The following FAAP20 variants were observed in gnomAD, a reference collection of about 807,000 sequenced individuals.
FAAP20 encodes Fanconi anemia core complex-associated protein 20.
In FAAP20, 12 loss-of-function variants were observed where a neutral mutation model predicts 16.2. The ratio of observed to expected loss-of-function variants is 0.74; its 90% CI spans 0.48 to 1.20. The LOEUF (loss-of-function observed/expected upper bound fraction) is 1.20. FAAP20 is among the 50% of genes most tolerant of loss of function. FAAP20 has a pLI of 0.00. For synonymous variants in FAAP20, 141 were observed against 110.7 expected (o/e 1.27, Z -1.72); for missense variants, 288 against 245.8 (o/e 1.17, Z -1.15).
At chr1:2,188,840 C>A (rs1238434717), downstream of FAAP20, among the ~76,000 whole-genome samples, 1 of 151,706 alleles carries the variant, frequency 6.6e-6, no homozygotes, top group East Asian at 1.9e-4. Context: ...CCCGTTTCTA[C>A]TGAAAACACA....
At position 2,189,680 on chromosome 1, in the gene FAAP20, G is replaced by A. The variant is rs748765368; in HGVS notation, c.*29C>T. On this transcript the variant is annotated 3_prime_UTR_variant, in exon 4 of 4. Coordinates refer to ENST00000378546, the MANE Select transcript of FAAP20 (RefSeq NM_182533.4). ...GCGGGGGAGAGCGTGTCCGGGCGCC[G>A]CACTCTGCGCAGGGCTCTTGGATGG... 1 of 1,596,048 alleles carries A rather than the reference G, an allele frequency of 6.3e-7. No individual in the cohort carries two copies. Among genetic ancestry groups the A allele is most frequent in the Non-Finnish European group, 8.6e-7 (1 of 1,167,052 alleles).
downstream of FAAP20, among the ~76,000 whole-genome samples, chr1:2,188,133 C>T (rs749994960): frequency 3.4e-4 from 52 of 152,352 alleles, no homozygotes; most frequent in South Asian, 8.3e-4. Flanking sequence ...GATCTGTTCC[C>T]TCAGCCACCA....
At chr1:2,211,589 A>G (rs1689448820), downstream of FAAP20, among the ~76,000 whole-genome samples, 1 of 149,614 alleles carries the variant, frequency 6.7e-6, no homozygotes, top group Admixed American at 6.7e-5. Flanking sequence ...TTGGGACTAC[A>G]GGCACCCGCC....
Position 2,193,747 on chromosome 1 carries a change from C to T in FAAP20, c.362G>A (p.Arg121His). ...LESPARSLPQ[R>H]PAPDPCRAPR... ...GGCCCTGCAGGGATCAGGTGCCGGG[C>T]GCTGGGGCAGGGACCTGGCGGGGGA... is the stretch of plus-strand genomic sequence containing the variant. The change falls in exon 3 of 4, where the codon CGC becomes CAC. Residue 121 changes from arginine to histidine, a missense_variant. Transcript: ENST00000378546. 1.3e-6 allele frequency: 2 copies of T among 1,591,456 alleles called. No homozygotes were observed. Among genetic ancestry groups the T allele is most frequent in the Non-Finnish European group, 8.5e-7 (1 of 1,172,760 alleles).
downstream of FAAP20, among the ~76,000 whole-genome samples, chr1:2,208,025 T>C (rs936369289): frequency 3.3e-5 from 5 of 152,004 alleles, no homozygotes; most frequent in Non-Finnish European, 5.9e-5. Flanking sequence ...TGTGTGGACA[T>C]GCGTGCGGTG....
At chr1:2,185,924 C>G (rs906457007), downstream of FAAP20, 15 of 338,442 alleles carry the variant, frequency 4.4e-5, no homozygotes, top group African/African-American at 3.0e-4. Flanking sequence ...ACCCTACAAA[C>G]ACCCAGAAAC....
intron 3 of FAAP20, chr1:2,206,243 A>C (rs1456477688): frequency 6.6e-6 from 1 of 152,312 alleles, no homozygotes; most frequent in African/African-American, 2.4e-5. Flanking sequence ...CCCTGTCTCT[A>C]ACGGGCCATA....
At chr1:2,192,187 C>T (rs1160847208) in intron 3 of FAAP20, 1 of 985,684 alleles carries the variant, frequency 1.0e-6, no homozygotes, top group Non-Finnish European at 1.2e-6. Context: ...CCCAGGGCAT[C>T]CCAGGGTGGC....
upstream of FAAP20, among the ~76,000 whole-genome samples, chr1:2,197,178 C>T (rs1688860610): frequency 2.0e-5 from 3 of 152,226 alleles, no homozygotes; most frequent in South Asian, 6.2e-4. Flanking sequence ...ATGTGAGGGA[C>T]ACCTGTGTGT....
chr1:2,189,025 A>AAC (rs1553182626), downstream of FAAP20, among the ~76,000 whole-genome samples: 2 of 142,592 alleles, frequency 1.4e-5, no homozygotes, highest in African/African-American at 2.7e-5. Flanking sequence ...AAAAAAAAAA[A>AAC]AAACAAAAAG....
upstream of FAAP20, chr1:2,199,228 G>A: frequency 8.6e-7 from 1 of 1,162,102 alleles, no homozygotes; most frequent in Non-Finnish European, 1.1e-6. This position sits in a 1 kb window ranked among gnomAD's most constrained non-coding sequence, Gnocchi z 4.5. Flanking sequence ...CTCTCTCAAA[G>A]TCCCCAGCAC....
At chr1:2,204,814 C>G (rs1317244961), upstream of FAAP20, among the ~76,000 whole-genome samples, 1 of 152,086 alleles carries the variant, frequency 6.6e-6, no homozygotes, top group Non-Finnish European at 1.5e-5. Flanking sequence ...CGGCTCACCC[C>G]ACCTCAGACC....
downstream of FAAP20, among the ~76,000 whole-genome samples, chr1:2,187,940 T>C (rs192505247): frequency 3.1e-4 from 47 of 152,260 alleles, no homozygotes; most frequent in African/African-American, 1.0e-3. Flanking sequence ...TGCACTCTCT[T>C]GATGTTTTTG....
At chr1:2,191,802 G>C in intron 3 of FAAP20, 1 of 979,534 alleles carries the variant, frequency 1.0e-6, no homozygotes, top group Non-Finnish European at 1.2e-6. Flanking sequence ...GAGACAAAAC[G>C]CAGCTCTGGC....
intron 1 of FAAP20, 74 bp from the exon 2 acceptor site, chr1:2,194,207 CT>C: frequency 6.4e-7 from 1 of 1,574,734 alleles, no homozygotes; most frequent in Admixed American, 1.8e-5. Flanking sequence ...CCGGGAGGGC[CT>C]GGGGCAGAGA....
intron 3 of FAAP20, chr1:2,190,618 G>A (rs548418581): frequency 1.0e-4 from 36 of 352,536 alleles, no homozygotes; most frequent in Admixed American, 5.2e-4. Context: ...CGGAGCTGGC[G>A]TGCTCAGCAG....
intron 1 of FAAP20, among the ~76,000 whole-genome samples, chr1:2,206,943 C>T (rs1213492597): frequency 6.6e-6 from 1 of 152,054 alleles, no homozygotes; most frequent in Non-Finnish European, 1.5e-5. Flanking sequence ...TGCCTCAGAT[C>T]GGTGACCTGC....
chr1:2,185,038 C>A, downstream of FAAP20: 1 of 1,569,378 alleles, frequency 6.4e-7, no homozygotes, highest in Non-Finnish European at 8.7e-7. Context: ...CGTGGACACG[C>A]GTGATTGACC....
Position 2,205,548 on chromosome 1 carries a change from C to T in FAAP20, n.451+757G>A, listed in dbSNP as rs558074015. ...CCGTGCAAGAGGCGTGGGAAGCGCG[C>T]GGGGGGTTCTGAGCGTGCAGTCGCC... On this transcript the variant is annotated intron_variant and non_coding_transcript_variant, in intron 3 of 7. Coordinates refer to the FAAP20 transcript ENST00000469733. 2.2e-3 allele frequency among the ~76,000 whole-genome samples: 342 copies of T among 152,168 alleles called. 3 individuals carry two copies. The highest frequency in any genetic ancestry group is 7.9e-3 in the African/African-American group (327 of 41,550).
Sources: allele counts gnomAD v4.1 joint callset (sites outside exome capture counted in the v4.1 genomes callset), GRCh38; gene constraint gnomAD v4.1.1; non-coding constraint Gnocchi (gnomAD v3.1); transcripts MANE v1.5; gene names NCBI Gene and HGNC (gene_info 2026-07-23, HGNC 2026-07-21).